KSR2: variants seen among roughly 807,000 people sequenced by gnomAD.
KSR2 encodes kinase suppressor of ras 2.
A neutral mutation model predicts 107.8 loss-of-function variants in KSR2; 25 were observed. The observed-to-expected ratio is 0.23, with a 90% CI of 0.17 to 0.32. The LOEUF (loss-of-function observed/expected upper bound fraction) is 0.32, where lower values mean the gene tolerates loss of function less well. Among genes scored for constraint, KSR2 ranks in the 10% least tolerant of loss-of-function variants. The pLI is 1.00. For synonymous variants in KSR2, 480 were observed against 507.0 expected, an observed-to-expected ratio of 0.95 and a Z score of 0.71; for missense variants, 887 against 1,268.9, an observed-to-expected ratio of 0.70 and a Z score of 4.57.
intron 4 of KSR2, among the ~76,000 whole-genome samples, chr12:117,728,980 G>A (rs186667799): frequency 7.2e-5 from 11 of 152,290 alleles, no homozygotes; most frequent in Admixed American, 2.6e-4. Flanking sequence ...AGAGATACAC[G>A]CATGTAAGGA....
intron 3 of KSR2, among the ~76,000 whole-genome samples, chr12:117,832,989 A>G (rs1263459522): frequency 6.6e-6 from 1 of 152,118 alleles, no homozygotes; most frequent in Admixed American, 6.5e-5. Flanking sequence ...GCTCCCAACA[A>G]ATACCCTGCC....
chr12:117,493,471 G>A (rs527752537), intron 14 of KSR2, among the ~76,000 whole-genome samples: 3 of 152,120 alleles, frequency 2.0e-5, no homozygotes, highest in Admixed American at 6.5e-5. Flanking sequence ...GCCCATCTCC[G>A]AGCCTTTGCC....
Position 117,698,290 on chromosome 12 carries a change from T to C in KSR2, c.987-30632A>G, listed in dbSNP as rs192579395. Reference sequence around the variant, plus strand: ...CTCTCTTAGTTGAACTCCCGAGACGTCCCACTGTTAATGGCTTCTTGGGTG... The same window carrying C: ...CTCTCTTAGTTGAACTCCCGAGACGCCCCACTGTTAATGGCTTCTTGGGTG... On this transcript the variant is annotated intron_variant, in intron 4 of 19. Transcript: ENST00000339824. Among the ~76,000 whole-genome samples, 3 of 152,186 alleles carry C rather than the reference T, an allele frequency of 2.0e-5. 1 individual carries two copies. Among genetic ancestry groups the C allele is most frequent in the African/African-American group, 7.2e-5 (3 of 41,486 alleles).
At chr12:117,725,670 C>G (rs1203166232) in intron 4 of KSR2, among the ~76,000 whole-genome samples, 1 of 152,158 alleles carries the variant, frequency 6.6e-6, no homozygotes, top group African/African-American at 2.4e-5. Context: ...AATTATTAGG[C>G]CGGGAGTAGT....
intron 1 of KSR2, among the ~76,000 whole-genome samples, chr12:117,934,389 C>A (rs761155925): frequency 6.6e-6 from 1 of 152,170 alleles, no homozygotes; most frequent in Non-Finnish European, 1.5e-5. Flanking sequence ...GAAATAATCA[C>A]GCTCTTCCTA....
chr12:117,581,825 C>A (rs1333927096), intron 6 of KSR2, among the ~76,000 whole-genome samples: 2 of 152,110 alleles, frequency 1.3e-5, no homozygotes, highest in East Asian at 3.8e-4. Context: ...GGTGAGAAGA[C>A]CAAAAATTAG....
At chr12:117,490,177 A>G (rs1175704334) in intron 14 of KSR2, among the ~76,000 whole-genome samples, 1 of 152,058 alleles carries the variant, frequency 6.6e-6, no homozygotes, top group Non-Finnish European at 1.5e-5. Context: ...CTTCTCCTCC[A>G]CTGTGTGGGT....
intron 7 of KSR2, among the ~76,000 whole-genome samples, chr12:117,569,622 A>T (rs1481111536): frequency 6.6e-6 from 1 of 152,134 alleles, no homozygotes; most frequent in African/African-American, 2.4e-5. Context: ...GTTAGTAAAG[A>T]CCTACGTCTA....
chr12:117,736,338 C>T (rs1887936029), intron 4 of KSR2, among the ~76,000 whole-genome samples: 1 of 152,160 alleles, frequency 6.6e-6, no homozygotes. Flanking sequence ...CATAAACTGA[C>T]TGGAGGAATT....
chr12:117,545,130 T>C lies in KSR2; in HGVS notation c.1519-5243A>G, dbSNP rs138085619. Among the ~76,000 whole-genome samples the C allele has an allele frequency of 4.8e-3, 731 of 152,344 alleles. 5 individuals carry two copies. Among genetic ancestry groups the C allele is most frequent in the African/African-American group, 0.017 (696 of 41,590 alleles). ...TTGTTAATATGGTGAATTATGTTAA[T>C]TGATTTTTCAGATATTGAACCAGTC... On this transcript the variant is annotated intron_variant, in intron 9 of 19. Transcript: ENST00000339824.
Position 117,940,404 on chromosome 12 carries a change from A to G in KSR2, c.180+27672T>C, listed in dbSNP as rs182762331. Among the ~76,000 whole-genome samples the G allele has an allele frequency of 3.3e-5, 5 of 152,304 alleles. No individual in the cohort carries two copies. In the East Asian group the frequency reaches 9.6e-4, roughly 29 times the overall value. On this transcript the variant is annotated intron_variant, in intron 1 of 19. Transcript: ENST00000339824. Reference sequence around the variant, plus strand: ...ATTCTCTGCTATCCATGTGTGTAACATATATTATAGAAACCCACGTATTTT... The same window carrying G: ...ATTCTCTGCTATCCATGTGTGTAACGTATATTATAGAAACCCACGTATTTT...
At chr12:117,654,874 C>A (rs1265383104) in intron 5 of KSR2, among the ~76,000 whole-genome samples, 6 of 152,212 alleles carry the variant, frequency 3.9e-5, no homozygotes, top group Non-Finnish European at 5.9e-5. Context: ...TCCCCAGCCA[C>A]CCCTGTCATT....
At chr12:117,762,597 G>A (rs773270218) in intron 3 of KSR2, among the ~76,000 whole-genome samples, 1 of 152,138 alleles carries the variant, frequency 6.6e-6, no homozygotes, top group African/African-American at 2.4e-5. Flanking sequence ...TGGGCACGGA[G>A]GCTCACACCT....
chr12:117,961,913 G>A (rs1452438182), intron 1 of KSR2, among the ~76,000 whole-genome samples: 1 of 152,192 alleles, frequency 6.6e-6, no homozygotes, highest in African/African-American at 2.4e-5. Flanking sequence ...GGGAGGCCAA[G>A]GCAAGAGGGT....
chr12:117,862,112 A>T (rs1261671766), intron 1 of KSR2, among the ~76,000 whole-genome samples: 4 of 149,330 alleles, frequency 2.7e-5, no homozygotes, highest in African/African-American at 9.9e-5. Context: ...CCCAGGCTGG[A>T]GTGCAGTGGT....
intron 4 of KSR2, among the ~76,000 whole-genome samples, chr12:117,668,611 C>CT (rs1884769647): frequency 6.6e-6 from 1 of 152,180 alleles, no homozygotes; most frequent in African/African-American, 2.4e-5. Flanking sequence ...TCACCACCCC[C>CT]GGGTGAGTCC....
intron 1 of KSR2, among the ~76,000 whole-genome samples, chr12:117,911,174 T>TCACA (rs374154062): frequency 0.093 from 13,844 of 148,922 alleles, 702 homozygotes; most frequent in South Asian, 0.21. Flanking sequence ...TCTCTCTCTC[T>TCACA]CACACACACA....
At chr12:117,859,871 G>A (rs188747132) in intron 2 of KSR2, among the ~76,000 whole-genome samples, 14 of 152,298 alleles carry the variant, frequency 9.2e-5, no homozygotes, top group South Asian at 4.1e-4. Context: ...AGAAAGCATC[G>A]TTCGATATGG....
At position 117,460,485 on chromosome 12, in the gene KSR2, T is replaced by C. The variant is rs907126809; in HGVS notation, c.*6714A>G. 2.0e-5 allele frequency: 3 copies of C among 152,220 alleles called. No homozygotes were observed. Among genetic ancestry groups the C allele is most frequent in the Non-Finnish European group, 4.4e-5 (3 of 68,064 alleles). 9.4% of individuals were successfully genotyped at this position (152,220 alleles called of 1,614,324 possible). A position where few individuals can be genotyped will look rare whatever the true frequency, so the allele number is the denominator to read the frequency against. ...AGGAGGGACTCTGCCAACCCAGATG[T>C]ACATTTCCTGGAAATCCGGGCTGCT... is the stretch of plus-strand genomic sequence containing the variant. On this transcript the variant is annotated 3_prime_UTR_variant, in exon 20 of 20. Coordinates refer to ENST00000339824, the MANE Select transcript of KSR2 (RefSeq NM_173598.6).
Sources: gnomAD v4.1 joint callset for allele counts (sites outside exome capture counted in the v4.1 genomes callset) on GRCh38, gnomAD v4.1.1 for gene constraint, MANE v1.5 for transcripts, NCBI Gene and HGNC (gene_info 2026-07-23, HGNC 2026-07-21) for gene names.